GTF2H3: variants seen among roughly 807,000 people sequenced by gnomAD.
The protein encoded by GTF2H3 is general transcription factor IIH subunit 3.
GTF2H3 carries 42 observed loss-of-function variants against 51.1 expected under a neutral mutation model. The observed-to-expected ratio is 0.82, with a 90% CI of 0.64 to 1.06. GTF2H3 has a LOEUF of 1.06. Ranked by LOEUF, GTF2H3 falls within the 50% of genes least tolerant of loss-of-function variation. The probability of loss-of-function intolerance (pLI) is 0.00; values close to 1 mark genes in which losing one functional copy is unlikely to be tolerated. For missense variants in GTF2H3, 326 were observed against 366.1 expected (o/e 0.89, Z 0.89); for synonymous variants, 123 against 123.8 (o/e 0.99, Z 0.04).
rs376292620 is a variant in GTF2H3 at position 123,651,066 on chromosome 12, G to C, written c.427+10G>C. 72 of 1,600,516 alleles carry C rather than the reference G, an allele frequency of 4.5e-5. No individual in the cohort carries two copies. The highest frequency in any genetic ancestry group is 5.8e-5 in the Non-Finnish European group (68 of 1,167,834). On this transcript the variant is annotated intron_variant, in intron 5 of 12. Transcript: ENST00000543341. ...GCCAAAGCCCTTTGCTGTATCCTTGGTGTCTGAATCATTTAGAAGGTGTCT... is the reference window on the plus strand; with the variant it reads ...GCCAAAGCCCTTTGCTGTATCCTTGCTGTCTGAATCATTTAGAAGGTGTCT...
In GTF2H3 at chr12:123,647,989, G is replaced by T; in HGVS notation, c.227G>T (p.Gly76Val). ...ESRFLYPGKN[G>V]RLGDFFGDPG... ...CGATTCTTATATCCTGGAAAGAATG[G>T]CAGACTTGGAGACTTCTTCGGAGAC... The change falls in exon 4 of 13, where the codon GGC becomes GTC. Residue 76 changes from glycine to valine, a missense_variant. Coordinates refer to ENST00000543341, the MANE Select transcript of GTF2H3 (RefSeq NM_001516.5). 1 of 1,613,526 alleles carries T rather than the reference G, an allele frequency of 6.2e-7. No homozygotes were observed. Among genetic ancestry groups the T allele is most frequent in the Non-Finnish European group, 8.5e-7 (1 of 1,179,764 alleles).
rs776317306 is a variant in GTF2H3, at chr12:123,661,140, A to G, written c.*905A>G. 7 of 152,262 alleles carry G rather than the reference A, an allele frequency of 4.6e-5. No individual in the cohort carries two copies. The highest frequency in any genetic ancestry group is 7.3e-5 in the Non-Finnish European group (5 of 68,028). The allele number at this position is 152,262 out of a possible 1,614,324, so 9.4% of individuals were successfully genotyped here. A position where few individuals can be genotyped will look rare whatever the true frequency, so the allele number is the denominator to read the frequency against. On this transcript the variant is annotated 3_prime_UTR_variant, in exon 13 of 13. Coordinates refer to ENST00000543341, the MANE Select transcript of GTF2H3 (RefSeq NM_001516.5). Reference sequence around the variant, plus strand: ...GACCCCATCTCTACTAAAAATTTAAATGTATTTATTAAAACTGTTCTCTAG... The same window carrying G: ...GACCCCATCTCTACTAAAAATTTAAGTGTATTTATTAAAACTGTTCTCTAG...
chr12:123,633,944 G>A, intron 1 of GTF2H3, 72 bp downstream of exon 1: 1 of 1,506,992 alleles, frequency 6.6e-7, no homozygotes. Flanking sequence ...CTGGCCAGAT[G>A]GAATGTGTCT....
At chr12:123,637,958 C>T (rs1955309436) in intron 1 of GTF2H3, among the ~76,000 whole-genome samples, 1 of 152,004 alleles carries the variant, frequency 6.6e-6, no homozygotes, top group Admixed American at 6.6e-5. Context: ...TGTCCTTGAC[C>T]AGGCATTCAG....
chr12:123,660,728 G>T lies in GTF2H3; in HGVS notation c.*493G>T, dbSNP rs1048676587. ...AATTCTTATTGTCTAAATTGAGACA[G>T]CCTCAGATATTTGCAGATATTTACT... On this transcript the variant is annotated 3_prime_UTR_variant, in exon 13 of 13. Coordinates refer to ENST00000543341, the MANE Select transcript of GTF2H3 (RefSeq NM_001516.5). The T allele has an allele frequency of 6.6e-6, 1 of 152,436 alleles. No homozygotes were observed. The highest frequency in any genetic ancestry group is 6.5e-5 in the Admixed American group (1 of 15,274). The allele number at this position is 152,436 out of a possible 1,614,324, so 9.4% of individuals were successfully genotyped here. A position where few individuals can be genotyped will look rare whatever the true frequency, so the allele number is the denominator to read the frequency against.
At position 123,659,699 on chromosome 12, in the gene GTF2H3, G is replaced by A. The variant is rs1955630921; in HGVS notation, c.685-96G>A. The A allele has an allele frequency of 3.5e-6, 5 of 1,439,420 alleles. No individual in the cohort carries two copies. The East Asian group carries it at 9.1e-5, about 26-fold the overall frequency. The allele number at this position is 1,439,420 out of a possible 1,614,324, so 89.2% of individuals were successfully genotyped here. On this transcript the variant is annotated intron_variant, in intron 10 of 12. Coordinates refer to ENST00000543341, the MANE Select transcript of GTF2H3 (RefSeq NM_001516.5). ...TAGTACTCAGGAGAAGGGAATAAAT[G>A]GAGGCCTTGGAGTTCCAAGGCCTAG...
At chr12:123,634,438 C>A (rs529519634) in intron 1 of GTF2H3, among the ~76,000 whole-genome samples, 6 of 151,942 alleles carry the variant, frequency 3.9e-5, no homozygotes, top group African/African-American at 1.4e-4. Flanking sequence ...ATGACCTCGT[C>A]AATAAAAAAT....
chr12:123,655,554 G>A, intron 8 of GTF2H3: 4 of 470,014 alleles, frequency 8.5e-6, no homozygotes, highest in South Asian at 7.4e-5. Flanking sequence ...GAGACATGCC[G>A]AGTGGGGTGA....
At chr12:123,640,824 G>C (rs1024935970) in intron 2 of GTF2H3, among the ~76,000 whole-genome samples, 7 of 152,236 alleles carry the variant, frequency 4.6e-5, no homozygotes, top group African/African-American at 1.7e-4. Context: ...AAGCAGAGGT[G>C]GGTAGCAATA....
intron 6 of GTF2H3, 28 bp downstream of exon 6, chr12:123,652,589 C>A: frequency 1.3e-6 from 2 of 1,507,578 alleles, no homozygotes; most frequent in Non-Finnish European, 1.8e-6. Context: ...CCTATGAGAA[C>A]TGTAATCCTA....
At position 123,660,936 on chromosome 12, in the gene GTF2H3, T is replaced by C. The variant is rs1020521204; in HGVS notation, c.*701T>C. 3.9e-5 allele frequency: 6 copies of C among 152,190 alleles called. No individual in the cohort carries two copies. Among genetic ancestry groups the C allele is most frequent in the African/African-American group, 1.4e-4 (6 of 41,438 alleles). The allele number at this position is 152,190 out of a possible 1,614,324, so 9.4% of individuals were successfully genotyped here. A position where few individuals can be genotyped will look rare whatever the true frequency, so the allele number is the denominator to read the frequency against. ...TGACTGGTTTTGAGGGAGAACTTAC[T>C]GGAGAAAATGGACTCTATGTTAAGT... On this transcript the variant is annotated 3_prime_UTR_variant, in exon 13 of 13. Coordinates refer to ENST00000543341, the MANE Select transcript of GTF2H3 (RefSeq NM_001516.5).
In GTF2H3 at chr12:123,651,039, T is replaced by G; in HGVS notation, c.410T>G (p.Leu137Arg). The G allele has an allele frequency of 1.2e-6, 2 of 1,612,372 alleles. No homozygotes were observed. The highest frequency in any genetic ancestry group is 1.7e-6 in the Non-Finnish European group (2 of 1,178,436). Residue 137 changes from leucine to arginine, a missense_variant, in exon 5 of 13, where the codon CTG (leucine) becomes CGG (arginine). Leu to Arg is a moderately radical substitution (Grantham distance 102). Coordinates refer to ENST00000543341, the MANE Select transcript of GTF2H3 (RefSeq NM_001516.5). The stretch of plus-strand genomic sequence containing the variant: ...ACAGAAACTTTGCTGGCAGGATCCC[T>G]GGCCAAAGCCCTTTGCTGTATCCTT... ...QHTETLLAGS[L>R]AKALCYIHRM...
rs1324470471 is a variant in GTF2H3, at chr12:123,660,102, T to C, written c.857+20T>C. The C allele has an allele frequency of 6.2e-7, 1 of 1,608,984 alleles. No homozygotes were observed. The highest frequency in any genetic ancestry group is 1.7e-5 in the Admixed American group (1 of 58,986). On this transcript the variant is annotated intron_variant, in intron 12 of 12. Transcript: ENST00000543341. The stretch of plus-strand genomic sequence containing the variant: ...GTGCGAGTAAGTATCTTTGAGATTG[T>C]GTGGGTGGCTAATACTTCACAGCTC...
rs560775605 is a variant in GTF2H3, at chr12:123,645,636, G to T, written c.200+75G>T. 11 of 765,634 alleles carry T rather than the reference G, an allele frequency of 1.4e-5. No homozygotes were observed. In the South Asian group the frequency reaches 1.7e-4, roughly 12 times the overall value. The allele number at this position is 765,634 out of a possible 1,614,324, so 47.4% of individuals were successfully genotyped here. On this transcript the variant is annotated intron_variant, in intron 3 of 12. Transcript: ENST00000543341. ...TTTTCTGTGCCAGTTGGCATGTATT[G>T]TTCCTACTCCATGTTGCAAAAGAAA...
At chr12:123,643,598 C>T (rs545052592) in intron 2 of GTF2H3, among the ~76,000 whole-genome samples, 1 of 152,268 alleles carries the variant, frequency 6.6e-6, no homozygotes, top group South Asian at 2.1e-4. Context: ...GTATTTCTCT[C>T]TTGGGACATC....
Position 123,654,986 on chromosome 12 carries a change from A to C in GTF2H3, c.549A>C (p.Ala183=), listed in dbSNP as rs1363647598. The C allele has an allele frequency of 6.2e-7, 1 of 1,611,934 alleles. No homozygotes were observed. Among genetic ancestry groups the C allele is most frequent in the Non-Finnish European group, 8.5e-7 (1 of 1,177,936 alleles). ...TGAACTTCATGAATGTCATCTTTGC[A>C]GCACAGAAACAGGTGAACTGAGAGC... ...QYMNFMNVIF[A]AQKQNILIDA... Residue 183 remains alanine (A), a synonymous_variant, in exon 8 of 13, where the codon GCA becomes GCC. Coordinates refer to ENST00000543341, the MANE Select transcript of GTF2H3 (RefSeq NM_001516.5).
chr12:123,645,479 G>T lies in GTF2H3; in HGVS notation c.118G>T (p.Ala40Ser), dbSNP rs1593800857. The change falls in exon 3 of 13, where the codon GCC (alanine) becomes TCC (serine). Residue 40 changes from alanine (A) to serine (S), a missense_variant. Ala to Ser is a moderately conservative substitution (Grantham distance 99). Transcript: ENST00000543341. ...GTTCACTTTATCCAAATGCATAGAT[G>T]CCGTGATGGTGCTGGGAAATTCGCA... ...SQFTLSKCID[A>S]VMVLGNSHLF... 1 of 1,601,336 alleles carries T rather than the reference G, an allele frequency of 6.2e-7. No homozygotes were observed. Among genetic ancestry groups the T allele is most frequent in the Admixed American group, 1.7e-5 (1 of 59,906 alleles).
intron 1 of GTF2H3, among the ~76,000 whole-genome samples, chr12:123,636,498 G>A (rs940006754): frequency 2.0e-5 from 3 of 152,254 alleles, no homozygotes; most frequent in South Asian, 2.1e-4. Flanking sequence ...TCCTAGAGCC[G>A]GGCACGGCGG....
rs1011119373 is a variant in GTF2H3 at position 123,655,802 on chromosome 12, C to T, written c.593C>T (p.Ser198Phe). Residue 198 changes from serine to phenylalanine, a missense_variant, in exon 9 of 13, where the codon TCC (serine) becomes TTC (phenylalanine). Ser to Phe is a radical substitution (Grantham distance 155, BLOSUM62 -2). Transcript: ENST00000543341. ...TTGATTGATGCCTGTGTTTTAGACT[C>T]CGACTCAGGGCTCCTCCAACAGGTA... ...NILIDACVLD[S>F]DSGLLQQACD... The T allele has an allele frequency of 3.7e-6, 6 of 1,601,012 alleles. No individual in the cohort carries two copies. Among genetic ancestry groups the T allele is most frequent in the South Asian group, 3.3e-5 (3 of 90,682 alleles).
Sources: allele counts gnomAD v4.1 joint callset (sites outside exome capture counted in the v4.1 genomes callset), GRCh38; gene constraint gnomAD v4.1.1; transcripts MANE v1.5; gene names NCBI Gene and HGNC (gene_info 2026-07-23, HGNC 2026-07-21).